Variants in CALD1 observed in about 807,000 individuals in gnomAD.
CALD1 encodes the protein caldesmon.
A neutral mutation model predicts 99.9 loss-of-function variants in CALD1; 33 were observed. The observed-to-expected ratio is 0.33, with a 90% CI of 0.25 to 0.44. CALD1 has a LOEUF of 0.44. Among genes scored for constraint, CALD1 ranks in the 20% least tolerant of loss-of-function variants. The pLI, the probability that CALD1 is intolerant of heterozygous loss-of-function variation, is 1.00. For synonymous variants in CALD1, 310 were observed against 325.0 expected (o/e 0.95, Z 0.50); for missense variants, 861 against 962.1 (o/e 0.89, Z 1.39).
intron 2 of CALD1, among the ~76,000 whole-genome samples, chr7:134,865,458 C>T (rs1800762619): frequency 6.6e-6 from 1 of 152,106 alleles, no homozygotes; most frequent in Non-Finnish European, 1.5e-5. Context: ...CCTAGAAAAG[C>T]ACTGGTCTGT....
chr7:134,826,578 C>A (rs1359486925), intron 1 of CALD1, among the ~76,000 whole-genome samples: 1 of 152,102 alleles, frequency 6.6e-6, no homozygotes, highest in Non-Finnish European at 1.5e-5. Flanking sequence ...AAATTGAGGT[C>A]TTTTACCACG....
intron 9 of CALD1, among the ~76,000 whole-genome samples, chr7:134,956,729 A>C (rs1807799295): frequency 6.6e-6 from 1 of 152,244 alleles, no homozygotes; most frequent in Admixed American, 6.5e-5. Flanking sequence ...AAAATCCAGT[A>C]GATTTCTTGA....
rs188754265 is a variant in CALD1, at chr7:134,921,858, C to T, written c.72-6896C>T. ...CTTTTAAATTTTAAATTTAAGTGAACACATACTATTTCACTTCTCAATATC... is the reference window on the plus strand; with the variant it reads ...CTTTTAAATTTTAAATTTAAGTGAATACATACTATTTCACTTCTCAATATC... On this transcript the variant is annotated intron_variant, in intron 3 of 14. Transcript: ENST00000361675. Among the ~76,000 whole-genome samples, 308 of 152,242 alleles carry T rather than the reference C, an allele frequency of 2.0e-3. 1 individual carries two copies. The highest frequency in any genetic ancestry group is 3.4e-3 in the Middle Eastern group (1 of 294).
At position 134,933,670 on chromosome 7, in the gene CALD1, G is replaced by A; in HGVS notation, c.901G>A (p.Ala301Thr). 6.3e-7 allele frequency: 1 copy of A among 1,597,730 alleles called. No individual in the cohort carries two copies. Among genetic ancestry groups the A allele is most frequent in the South Asian group, 1.1e-5 (1 of 88,522 alleles). ...AGCAAGAATTGAAGCAGAAGAAAAA[G>A]CAGCTGCCCAAGAAAGAGAAAGGAG... The part of the protein sequence containing the change: ...ERARIEAEEK[A>T]AAQERERREA... Residue 301 changes from alanine (A) to threonine (T), a missense_variant, in exon 5 of 15, where the codon GCA (alanine) becomes ACA (threonine). Ala to Thr is a moderately conservative substitution (Grantham distance 58, BLOSUM62 0). Transcript: ENST00000361675.
At chr7:134,810,175 C>T (rs1205644165) in intron 1 of CALD1, among the ~76,000 whole-genome samples, 1 of 152,112 alleles carries the variant, frequency 6.6e-6, no homozygotes. Flanking sequence ...CCAACTGCTG[C>T]CTAATCAACC....
chr7:134,731,522 TG>T, the CALD1 span, among the ~76,000 whole-genome samples: 1 of 152,220 alleles, frequency 6.6e-6, no homozygotes, highest in African/African-American at 2.4e-5. Context: ...GTTCTCATTT[TG>T]CTTAATTGCT....
intron 3 of CALD1, among the ~76,000 whole-genome samples, chr7:134,898,123 G>A (rs1293026742): frequency 2.0e-5 from 3 of 152,050 alleles, no homozygotes. Flanking sequence ...TTTTTGGATG[G>A]GAGTCAGAGG....
At chr7:134,815,050 C>A (rs1372545247) in intron 1 of CALD1, among the ~76,000 whole-genome samples, 1 of 152,116 alleles carries the variant, frequency 6.6e-6, no homozygotes, top group African/African-American at 2.4e-5. Flanking sequence ...TTGCCGTGGT[C>A]TAGCTTTTCA....
chr7:134,813,969 G>T (rs964187322), intron 1 of CALD1, among the ~76,000 whole-genome samples: 7 of 152,124 alleles, frequency 4.6e-5, no homozygotes, highest in African/African-American at 1.4e-4. Context: ...AGAGGCCAGG[G>T]TATTAGAATG....
chr7:134,784,288 C>G (rs1305250832), intron 1 of CALD1, among the ~76,000 whole-genome samples: 1 of 152,158 alleles, frequency 6.6e-6, no homozygotes, highest in East Asian at 1.9e-4. Context: ...TAATTAGTTC[C>G]TCTGACACCC....
chr7:134,868,220 C>A (rs1027261074), intron 3 of CALD1: 1 of 156,706 alleles, frequency 6.4e-6, no homozygotes, highest in Non-Finnish European at 1.4e-5. Context: ...GCAAAAAGCC[C>A]TGGATGAATC....
chr7:134,904,455 C>T (rs1350619497), intron 3 of CALD1, among the ~76,000 whole-genome samples: 3 of 151,968 alleles, frequency 2.0e-5, no homozygotes, highest in Non-Finnish European at 4.4e-5. Context: ...GTGGCACACA[C>T]CTGCAGTCCC....
At chr7:134,850,582 G>A (rs565218395) in intron 2 of CALD1, among the ~76,000 whole-genome samples, 9 of 152,260 alleles carry the variant, frequency 5.9e-5, no homozygotes, top group Admixed American at 2.0e-4. Flanking sequence ...AACTGTTGTC[G>A]AAAGAAATCA....
chr7:134,799,534 C>A (rs889551557), intron 1 of CALD1, among the ~76,000 whole-genome samples: 1 of 152,164 alleles, frequency 6.6e-6, no homozygotes, highest in African/African-American at 2.4e-5. Flanking sequence ...TCAGAAAGAA[C>A]AGATTTATGG....
the CALD1 span, among the ~76,000 whole-genome samples, chr7:134,711,658 C>CTA: frequency 6.3e-3 from 423 of 66,868 alleles, 10 homozygotes; most frequent in African/African-American, 0.023. Context: ...CTCTCTCTCT[C>CTA]TCTATATATA....
At chr7:134,893,569 C>CT (rs1802354262) in intron 3 of CALD1, among the ~76,000 whole-genome samples, 1 of 152,166 alleles carries the variant, frequency 6.6e-6, no homozygotes, top group Admixed American at 6.5e-5. Context: ...CAAGCCACCA[C>CT]TGTTTCTTGA....
chr7:134,805,987 A>G (rs1234433885), intron 1 of CALD1, among the ~76,000 whole-genome samples: 20 of 151,934 alleles, frequency 1.3e-4, no homozygotes, highest in Non-Finnish European at 1.5e-5. Flanking sequence ...CCTTGAACTC[A>G]TGACCTCAAG....
At chr7:134,907,798 C>T (rs767699781) in intron 3 of CALD1, among the ~76,000 whole-genome samples, 20 of 152,120 alleles carry the variant, frequency 1.3e-4, no homozygotes, top group Non-Finnish European at 2.6e-4. Context: ...GTTGTGGGAG[C>T]CACTCGTGGG....
chr7:134,911,171 T>TGAAACC (rs1259240099), intron 3 of CALD1, among the ~76,000 whole-genome samples: 5 of 151,966 alleles, frequency 3.3e-5, no homozygotes, highest in African/African-American at 9.7e-5. Flanking sequence ...ATGATGAAAC[T>TGAAACC]GAAACCTGAG....
Sources: gnomAD v4.1 joint callset for allele counts (sites outside exome capture counted in the v4.1 genomes callset) on GRCh38, gnomAD v4.1.1 for gene constraint, MANE v1.5 for transcripts, NCBI Gene and HGNC (gene_info 2026-07-23, HGNC 2026-07-21) for gene names.